Variants in MYO16 observed in about 807,000 individuals in gnomAD.
The protein encoded by MYO16 is myosin XVI.
MYO16 carries 94 observed loss-of-function variants against 205.3 expected under a neutral mutation model. The ratio of observed to expected loss-of-function variants is 0.46; its 90% CI spans 0.39 to 0.54. MYO16 has a LOEUF of 0.54. Ranked by LOEUF, MYO16 falls within the 20% of genes least tolerant of loss-of-function variation. The probability of loss-of-function intolerance (pLI) is 0.00; values close to 1 mark genes in which losing one functional copy is unlikely to be tolerated. For synonymous variants in MYO16, 988 were observed against 954.0 expected (o/e 1.04, Z -0.66); for missense variants, 2,315 against 2,387.5 (o/e 0.97, Z 0.63).
At chr13:108,861,085 A>T (rs196152) in intron 11 of MYO16, among the ~76,000 whole-genome samples, 74,885 of 151,956 alleles carry the variant, frequency 0.49, 18,798 homozygotes, top group African/African-American at 0.56. Context: ...AATAACGACA[A>T]ACAAACAAGG....
At chr13:108,712,557 T>C (rs1883761038) in intron 2 of MYO16, 104 bp from the exon 3 acceptor site, 2 of 979,850 alleles carry the variant, frequency 2.0e-6, no homozygotes, top group Non-Finnish European at 3.3e-6. Context: ...TCTTTGGTTT[T>C]CACAGCTGTT....
At chr13:108,917,172 C>T (rs1327957421) in intron 16 of MYO16, among the ~76,000 whole-genome samples, 1 of 152,186 alleles carries the variant, frequency 6.6e-6, no homozygotes, top group Non-Finnish European at 1.5e-5. Context: ...AACGTGACCA[C>T]GTGCTGCCCT....
intron 33 of MYO16, among the ~76,000 whole-genome samples, chr13:109,167,818 C>T (rs1878748754): frequency 6.6e-6 from 1 of 151,830 alleles, no homozygotes; most frequent in Admixed American, 6.6e-5. Flanking sequence ...AGTTAACATG[C>T]TCAAATAAAA....
Position 109,026,370 on chromosome 13 carries a change from C to T in MYO16, c.2796+6459C>T, listed in dbSNP as rs74412438. Among the ~76,000 whole-genome samples, 588 of 151,970 alleles carry T rather than the reference C, an allele frequency of 3.9e-3. 5 individuals carry two copies. Among genetic ancestry groups the T allele is most frequent in the African/African-American group, 0.014 (572 of 41,444 alleles). ...AGAAAAGAAGGAGGCCATGTGACCA[C>T]GGGGGGAGGTATTGAAGCAGCCAGG... On this transcript the variant is annotated intron_variant, in intron 23 of 34. Coordinates refer to ENST00000457511, the MANE Select transcript of MYO16 (RefSeq NM_001198950.3).
intron 3 of MYO16, among the ~76,000 whole-genome samples, chr13:108,721,960 G>A (rs963755820): frequency 6.6e-6 from 1 of 152,150 alleles, no homozygotes; most frequent in South Asian, 2.1e-4. Flanking sequence ...ATCACAGGCA[G>A]GTTACCCATA....
Position 109,055,082 on chromosome 13 carries a change from A to G in MYO16, c.3085A>G (p.Arg1029Gly). Residue 1029 changes from arginine (R) to glycine (G), a missense_variant, in exon 26 of 35, where the codon AGA becomes GGA. Coordinates refer to ENST00000457511, the MANE Select transcript of MYO16 (RefSeq NM_001198950.3). The surrounding 1 kb of genome is among the most constrained non-coding windows in gnomAD (Gnocchi z 5.0). ...GAAAGGAACTTCTACATTTCTTCAA[A>G]GATTGGAACGAGGAGATCCAGTCAC... ...KKKGTSTFLQ[R>G]LERGDPVTIA... 1.3e-6 allele frequency: 2 copies of G among 1,586,376 alleles called. No individual in the cohort carries two copies. The highest frequency in any genetic ancestry group is 1.7e-6 in the Non-Finnish European group (2 of 1,169,502).
rs1211775288 is a variant in MYO16, at chr13:109,022,432, A to T, written c.2796+2521A>T. Among the ~76,000 whole-genome samples, 14 of 126,802 alleles carry T rather than the reference A, an allele frequency of 1.1e-4. No individual in the cohort carries two copies. The South Asian group carries it at 2.9e-3, about 27-fold the overall frequency. The allele number at this position is 126,802 out of a possible 152,430, so 83.2% of individuals were successfully genotyped here. On this transcript the variant is annotated intron_variant, in intron 23 of 34. Coordinates refer to ENST00000457511, the MANE Select transcript of MYO16 (RefSeq NM_001198950.3). Reference sequence around the variant, plus strand: ...ATATATTGTATATACAAATATAAACATATGTATATATTTATGTTATATATA... The same window carrying T: ...ATATATTGTATATACAAATATAAACTTATGTATATATTTATGTTATATATA...
chr13:108,609,753 T>C (rs1200407866), intron 1 of MYO16, among the ~76,000 whole-genome samples: 1 of 152,222 alleles, frequency 6.6e-6, no homozygotes, highest in African/African-American at 2.4e-5. Context: ...TAATCCTTTC[T>C]GTTTTTAATA....
At chr13:109,059,028 G>T (rs1473927518) in intron 27 of MYO16, among the ~76,000 whole-genome samples, 1 of 152,146 alleles carries the variant, frequency 6.6e-6, no homozygotes, top group Admixed American at 6.6e-5. Context: ...GGTTGCCGCA[G>T]TTCAGTCACA....
In MYO16 at chr13:109,019,800, C is replaced by T. The variant is rs758003570; in HGVS notation, c.2685C>T (p.Leu895=). Residue 895 remains leucine (L), a synonymous_variant, in exon 23 of 35, where the codon CTC becomes CTT. Coordinates refer to ENST00000457511, the MANE Select transcript of MYO16 (RefSeq NM_001198950.3). ...ATTTTCCAAAAAAACTACAAAGTCT[C>T]CTAGAATCCTCAAACACAAATGCGG... ...ESNFPKKLQS[L]LESSNTNAVY... 2 of 1,614,072 alleles carry T rather than the reference C, an allele frequency of 1.2e-6. No individual in the cohort carries two copies. The highest frequency in any genetic ancestry group is 1.7e-6 in the Non-Finnish European group (2 of 1,179,974).
At chr13:108,660,243 C>T (rs934644300) in intron 1 of MYO16, among the ~76,000 whole-genome samples, 2 of 152,032 alleles carry the variant, frequency 1.3e-5, no homozygotes, top group Non-Finnish European at 2.9e-5. Flanking sequence ...TTTGAGTGAC[C>T]CCCATGAGGA....
chr13:108,662,511 T>C (rs1881548157), intron 1 of MYO16, among the ~76,000 whole-genome samples: 1 of 152,042 alleles, frequency 6.6e-6, no homozygotes, highest in Non-Finnish European at 1.5e-5. Context: ...GTTGTGTACC[T>C]AGGAGGATTA....
intron 27 of MYO16, among the ~76,000 whole-genome samples, chr13:109,066,785 A>G (rs1040747102): frequency 5.3e-5 from 8 of 152,152 alleles, no homozygotes; most frequent in African/African-American, 1.9e-4. Context: ...TAAACCGACA[A>G]AAACAGGAGG....
chr13:108,890,995 A>G (rs1880144367), intron 14 of MYO16, among the ~76,000 whole-genome samples: 1 of 152,206 alleles, frequency 6.6e-6, no homozygotes, highest in Admixed American at 6.5e-5. Flanking sequence ...AGGGCTACCC[A>G]GTGCCTGTCC....
chr13:108,972,366 A>ATATAGCCATC, intron 20 of MYO16, among the ~76,000 whole-genome samples: 1 of 36,620 alleles, frequency 2.7e-5, no homozygotes, highest in African/African-American at 1.6e-4. Flanking sequence ...ATATATATAT[A>ATATAGCCATC]TATATATATA....
intron 1 of MYO16, among the ~76,000 whole-genome samples, chr13:108,622,683 G>C (rs1204861696): frequency 6.6e-6 from 1 of 151,192 alleles, no homozygotes; most frequent in African/African-American, 2.4e-5. Context: ...GAGAGGGATG[G>C]TGGGGGATGG....
intron 22 of MYO16, among the ~76,000 whole-genome samples, chr13:109,015,385 C>T (rs1328496230): frequency 3.3e-5 from 5 of 152,038 alleles, no homozygotes; most frequent in East Asian, 1.9e-4. Flanking sequence ...TGAGGATTTT[C>T]GCATCGATGT....
intron 32 of MYO16, among the ~76,000 whole-genome samples, chr13:109,149,871 CT>C (rs1413101053): frequency 2.0e-5 from 3 of 152,208 alleles, no homozygotes; most frequent in Non-Finnish European, 4.4e-5. Flanking sequence ...TTCCGTTTCT[CT>C]TTTTCTTGGC....
At chr13:108,563,396 CT>C in the MYO16 span, among the ~76,000 whole-genome samples, 74 of 152,188 alleles carry the variant, frequency 4.9e-4, no homozygotes, top group Admixed American at 3.6e-3. Context: ...TGTAGTCCCC[CT>C]ATTAGGTGAT....
Sources: gnomAD v4.1 joint callset for allele counts (sites outside exome capture counted in the v4.1 genomes callset) on GRCh38, gnomAD v4.1.1 for gene constraint, Gnocchi (gnomAD v3.1) non-coding constraint, MANE v1.5 for transcripts, NCBI Gene and HGNC (gene_info 2026-07-23, HGNC 2026-07-21) for gene names.